The following ATP11A variants were observed in gnomAD, a reference collection of about 807,000 sequenced individuals.
The protein encoded by ATP11A is ATPase phospholipid transporting 11A, also known as phospholipid-transporting ATPase IH.
Under a neutral mutation model 154.4 loss-of-function variants are expected in ATP11A, and 81 were observed. That is an observed-to-expected ratio of 0.52 (90% CI 0.44 to 0.63). The LOEUF (loss-of-function observed/expected upper bound fraction) is 0.63, where lower values mean the gene tolerates loss of function less well. ATP11A is among the 30% of genes least tolerant of loss of function. The pLI is 0.00. For missense variants in ATP11A, 1,316 were observed against 1,474.3 expected, an observed-to-expected ratio of 0.89 and a Z score of 1.76; for synonymous variants, 623 against 585.9, an observed-to-expected ratio of 1.06 and a Z score of -0.91.
At chr13:112,749,557 A>G (rs183409401) in intron 1 of ATP11A, among the ~76,000 whole-genome samples, 205 of 152,382 alleles carry the variant, frequency 1.3e-3, no homozygotes, top group Non-Finnish European at 2.4e-3. Context: ...AGACACAGAT[A>G]TGCTTTGGGG....
At chr13:112,798,598 G>A (rs9604454) in intron 2 of ATP11A, among the ~76,000 whole-genome samples, 223 of 152,306 alleles carry the variant, frequency 1.5e-3, no homozygotes, top group African/African-American at 4.7e-3. Flanking sequence ...CACACAGTGC[G>A]GGTTATGTGA....
At chr13:112,815,938 G>T in intron 5 of ATP11A, 145 bp from the exon 6 acceptor site, 2 of 1,150,336 alleles carry the variant, frequency 1.7e-6, no homozygotes, top group African/African-American at 1.5e-5. Context: ...CAGAATGTCT[G>T]GCAAGAGTCT....
chr13:112,848,550 T>G (rs1325586653), intron 17 of ATP11A, among the ~76,000 whole-genome samples: 2 of 152,326 alleles, frequency 1.3e-5, no homozygotes, highest in East Asian at 3.9e-4. Flanking sequence ...TTTTTCTCTT[T>G]ATAGCCTAAT....
intron 6 of ATP11A, among the ~76,000 whole-genome samples, chr13:112,816,630 C>T (rs781190135): frequency 5.9e-5 from 9 of 152,104 alleles, no homozygotes; most frequent in Non-Finnish European, 1.2e-4. Context: ...AACTCTGAGC[C>T]CAGCACGCTC....
intron 1 of ATP11A, among the ~76,000 whole-genome samples, chr13:112,757,352 T>C (rs2076864997): frequency 6.6e-6 from 1 of 152,286 alleles, no homozygotes. Flanking sequence ...CGCAGCTTTT[T>C]CTAGAAGGCA....
chr13:112,826,985 G>T, intron 12 of ATP11A, 94 bp downstream of exon 12: 1 of 1,317,342 alleles, frequency 7.6e-7, no homozygotes, highest in South Asian at 1.2e-5. Context: ...TCCGAGCGTG[G>T]CTGTACCTGT....
At chr13:112,769,578 C>CCATA (rs2077178171) in intron 1 of ATP11A, among the ~76,000 whole-genome samples, 3 of 152,226 alleles carry the variant, frequency 2.0e-5, no homozygotes. Context: ...CAGAGCCGGC[C>CCATA]CATAGCTCAG....
At chr13:112,817,503 C>T (rs542436965) in intron 6 of ATP11A, among the ~76,000 whole-genome samples, 20 of 152,204 alleles carry the variant, frequency 1.3e-4, no homozygotes, top group African/African-American at 1.9e-4. Flanking sequence ...TTCAGGTATT[C>T]GCTGTAAGCG....
At chr13:112,822,759 AAAGG>A (rs1367889845) in intron 8 of ATP11A, among the ~76,000 whole-genome samples, 1 of 151,932 alleles carries the variant, frequency 6.6e-6, no homozygotes, top group African/African-American at 2.4e-5. Context: ...AAAAAAAAAA[AAAGG>A]AAACAGTTGA....
At chr13:112,693,588 G>A (rs1445895272) in intron 1 of ATP11A, among the ~76,000 whole-genome samples, 2 of 151,978 alleles carry the variant, frequency 1.3e-5, no homozygotes, top group South Asian at 2.1e-4. Flanking sequence ...ATGTGCTATG[G>A]GGTAGCATAT....
At position 112,696,213 on chromosome 13, in the gene ATP11A, C is replaced by T. The variant is rs1594310868; in HGVS notation, c.39+5758C>T. Reference sequence around the variant, plus strand: ...CACGCTGGGTGCCCAGTGCACGGGGCGTCTTTGTTGCGCGCATGGACCTGC... The same window carrying T: ...CACGCTGGGTGCCCAGTGCACGGGGTGTCTTTGTTGCGCGCATGGACCTGC... On this transcript the variant is annotated intron_variant, in intron 1 of 29. Transcript: ENST00000375645. The surrounding 1 kb of genome is among the most constrained non-coding windows in gnomAD (Gnocchi z 6.2). Among the ~76,000 whole-genome samples the T allele has an allele frequency of 6.6e-6, 1 of 152,192 alleles. No homozygotes were observed. The highest frequency in any genetic ancestry group is 6.5e-5 in the Admixed American group (1 of 15,304).
chr13:112,757,105 C>T lies in ATP11A; in HGVS notation c.40-28030C>T, dbSNP rs545266143. 4.5e-4 allele frequency among the ~76,000 whole-genome samples: 69 copies of T among 152,350 alleles called. No individual in the cohort carries two copies. The South Asian group carries it at 0.011, about 25-fold the overall frequency. ...TATTTAGGCAAAAGATAAAAAGTTA[C>T]TGCTGCTACAATCTGTAGTGTTACT... On this transcript the variant is annotated intron_variant, in intron 1 of 29. Coordinates refer to ENST00000375645, the MANE Select transcript of ATP11A (RefSeq NM_015205.3).
intron 1 of ATP11A, among the ~76,000 whole-genome samples, chr13:112,726,650 A>G (rs1334958361): frequency 6.6e-6 from 1 of 152,234 alleles, no homozygotes; most frequent in Non-Finnish European, 1.5e-5. Flanking sequence ...GACAGAAAAC[A>G]GAGCCAATCA....
Position 112,832,907 on chromosome 13 carries a change from C to T in ATP11A, c.1443C>T (p.Val481=). The T allele has an allele frequency of 6.2e-7, 1 of 1,614,124 alleles. No individual in the cohort carries two copies. The highest frequency in any genetic ancestry group is 1.1e-5 in the South Asian group (1 of 91,076). Residue 481 remains valine (V), a synonymous_variant, in exon 14 of 30, where the codon GTC becomes GTT. Coordinates refer to ENST00000375645, the MANE Select transcript of ATP11A (RefSeq NM_015205.3). ...FFRALCLCHT[V]QVKDDDSVDG... ...GGGCCCTCTGTCTCTGCCACACCGT[C>T]CAGGTGAAAGACGATGACAGCGTAG...
At position 112,746,973 on chromosome 13, in the gene ATP11A, T is replaced by C. The variant is rs1892237354; in HGVS notation, c.40-38162T>C. 6.7e-6 allele frequency: 1 copy of C among 150,040 alleles called. No homozygotes were observed. Among genetic ancestry groups the C allele is most frequent in the Admixed American group, 6.6e-5 (1 of 15,042 alleles). The allele number at this position is 150,040 out of a possible 1,614,324, so 9.3% of individuals were successfully genotyped here. ...CGGGTAATTGATTTTTTTCTGTCAT[T>C]GGCTTGCATTGGCATAGTTTTTTTT... On this transcript the variant is annotated intron_variant, in intron 1 of 29. Transcript: ENST00000375645. This position sits in a 1 kb window ranked among gnomAD's most constrained non-coding sequence, Gnocchi z 4.1.
chr13:112,821,539 G>A (rs1004919900), intron 8 of ATP11A, among the ~76,000 whole-genome samples: 1 of 152,122 alleles, frequency 6.6e-6, no homozygotes, highest in African/African-American at 2.4e-5. Flanking sequence ...GTCTCAAAAC[G>A]CCCTCAGGTG....
At chr13:112,757,587 C>T (rs963580894) in intron 1 of ATP11A, among the ~76,000 whole-genome samples, 1 of 152,192 alleles carries the variant, frequency 6.6e-6, no homozygotes, top group African/African-American at 2.4e-5. Context: ...GGTCCCCTCA[C>T]GGAGGTGGAC....
At chr13:112,873,741 G>C in intron 27 of ATP11A, 65 bp downstream of exon 27, 3 of 1,491,060 alleles carry the variant, frequency 2.0e-6, no homozygotes, top group South Asian at 2.3e-5. Context: ...TTTTATCAAG[G>C]GTTGAAGACA....
chr13:112,712,994 C>G (rs1237693136), intron 1 of ATP11A, among the ~76,000 whole-genome samples: 1 of 152,208 alleles, frequency 6.6e-6, no homozygotes, highest in Non-Finnish European at 1.5e-5. Flanking sequence ...AGAGACGTAT[C>G]TGGTTAATGT....
Sources: gnomAD v4.1 joint callset for allele counts (sites outside exome capture counted in the v4.1 genomes callset) on GRCh38, gnomAD v4.1.1 for gene constraint, Gnocchi (gnomAD v3.1) non-coding constraint, MANE v1.5 for transcripts, NCBI Gene and HGNC (gene_info 2026-07-23, HGNC 2026-07-21) for gene names.